Variants in DYDC1 observed in about 807,000 individuals in gnomAD.
The protein encoded by DYDC1 is DPY30 domain containing 1.
DYDC1 carries 21 observed loss-of-function variants against 27.9 expected under a neutral mutation model. The ratio of observed to expected loss-of-function variants is 0.75; its 90% confidence interval spans 0.53 to 1.08. The LOEUF (loss-of-function observed/expected upper bound fraction) is 1.08, where lower values mean the gene tolerates loss of function less well. DYDC1 is among the 50% of genes least tolerant of loss of function. DYDC1 has a pLI of 0.00. For synonymous variants in DYDC1, 67 were observed against 65.8 expected (o/e 1.02, Z -0.09); for missense variants, 202 against 205.9 (o/e 0.98, Z 0.12).
chr10:80,336,222 A>C (rs769740807), intron 6 of DYDC1, 37 bp from the exon 7 acceptor site: 1 of 1,540,514 alleles, frequency 6.5e-7, no homozygotes, highest in South Asian at 1.3e-5. Context: ...TCCTTAATAC[A>C]ATTAGAACTG....
Position 80,356,721 on chromosome 10 carries a change from C to A in DYDC1, c.-19G>T, listed in dbSNP as rs898512016. 2.9e-5 allele frequency: 29 copies of A among 984,994 alleles called. No homozygotes were observed. Among genetic ancestry groups the A allele is most frequent in the Non-Finnish European group, 3.5e-5 (29 of 829,646 alleles). 61.0% of individuals were successfully genotyped at this position (984,994 alleles called of 1,614,324 possible). ...TTTCCGGTGCGCTCACCCCTACACA[C>A]GCGCCTGCTCGCCACCCAGGAGCGG... On this transcript the variant is annotated 5_prime_UTR_variant, in exon 1 of 7. Coordinates refer to ENST00000372202, the MANE Select transcript of DYDC1 (RefSeq NM_001269053.2).
At chr10:80,352,985 C>T (rs1564667361) in intron 1 of DYDC1, among the ~76,000 whole-genome samples, 1 of 152,220 alleles carries the variant, frequency 6.6e-6, no homozygotes, top group Admixed American at 6.5e-5. Context: ...AGCCCAGGCA[C>T]AGACAGCGTA....
rs143230218 is a variant in DYDC1, at chr10:80,355,122, C to A, written c.-10+1590G>T. On this transcript the variant is annotated intron_variant, in intron 1 of 6. Coordinates refer to ENST00000372202, the MANE Select transcript of DYDC1 (RefSeq NM_001269053.2). ...AAAAAAAAAAACAGTAAAATTAACA[C>A]GACAAAGAAGAGAAGAGTCTTCTAG... is the stretch of plus-strand genomic sequence containing the variant. Among the ~76,000 whole-genome samples the A allele has an allele frequency of 1.5e-4, 23 of 150,308 alleles. No homozygotes were observed. In the East Asian group the frequency reaches 4.0e-3, roughly 26 times the overall value.
In DYDC1 at chr10:80,352,503, T is replaced by C; in HGVS notation, c.99A>G (p.Leu33=). 1.2e-6 allele frequency: 2 copies of C among 1,613,406 alleles called. No homozygotes were observed. Among genetic ancestry groups the C allele is most frequent in the Non-Finnish European group, 1.7e-6 (2 of 1,179,746 alleles). The part of the protein sequence containing the change: ...RVRPVDPIEY[L]ALWIYKYKEN... ...CCTTATACTTGTAAATCCACAATGC[T>C]AAATATTCTATCGGATCCACTGGGC... is the stretch of plus-strand genomic sequence containing the variant. The change falls in exon 2 of 7, where the codon TTA becomes TTG. Residue 33 remains leucine (L), a synonymous_variant. Transcript: ENST00000372202.
chr10:80,336,474 C>T (rs1842139431), intron 6 of DYDC1: 1 of 464,446 alleles, frequency 2.2e-6, no homozygotes. Context: ...CTAATGGTTC[C>T]TCCCTGAGCC....
chr10:80,338,830 T>G (rs1332533456), intron 5 of DYDC1, among the ~76,000 whole-genome samples: 2 of 152,192 alleles, frequency 1.3e-5, no homozygotes, highest in African/African-American at 4.8e-5. Context: ...TAATTGTAAG[T>G]AATTATGTGG....
intron 3 of DYDC1, among the ~76,000 whole-genome samples, chr10:80,345,444 A>G (rs1210627794): frequency 6.6e-6 from 1 of 151,936 alleles, no homozygotes. Context: ...CCTAAAATCT[A>G]CTCTCTTAAA....
At chr10:80,355,287 C>T (rs1454605057) in intron 1 of DYDC1, among the ~76,000 whole-genome samples, 1 of 151,664 alleles carries the variant, frequency 6.6e-6, no homozygotes, top group African/African-American at 2.4e-5. Context: ...TGGGGTCCGT[C>T]CATAACCCCC....
At position 80,338,499 on chromosome 10, in the gene DYDC1, C is replaced by T. The variant is rs1191189651; in HGVS notation, c.472G>A (p.Val158Met). Residue 158 changes from valine to methionine, a missense_variant, in exon 6 of 7, where the codon GTG becomes ATG. Physicochemically the swap from Val to Met is conservative, Grantham distance 21 (BLOSUM62 1). Transcript: ENST00000372202. ...DRYGAPNLSR[V>M]EELDEPMFSD... is the part of the protein sequence containing the mutation. ...AACATTGGTTCATCAAGTTCTTCCACTCTGCTCAAGTTAGGTGCTCCATAA... is the reference window on the plus strand; with the variant it reads ...AACATTGGTTCATCAAGTTCTTCCATTCTGCTCAAGTTAGGTGCTCCATAA... The T allele has an allele frequency of 6.2e-7, 1 of 1,613,238 alleles. No homozygotes were observed. Among genetic ancestry groups the T allele is most frequent in the Admixed American group, 1.7e-5 (1 of 59,794 alleles).
At position 80,346,444 on chromosome 10, in the gene DYDC1, C is replaced by CTTTTTTTTTTTTTTTTTTTTTTT; in HGVS notation, c.250-4106_250-4084dup. On this transcript the variant is annotated intron_variant, in intron 3 of 6. Transcript: ENST00000372202. ...TCACCAATGTGTGTCTCTTCCCTTT[C>CTTTTTTTTTTTTTTTTTTTTTTT]TTTTTTTTTTTTTTTTTTTTTTTTT... Among the ~76,000 whole-genome samples the CTTTTTTTTTTTTTTTTTTTTTTT allele has an allele frequency of 5.2e-4, 43 of 83,358 alleles. 5 individuals are homozygous for CTTTTTTTTTTTTTTTTTTTTTTT. The highest frequency in any genetic ancestry group is 1.6e-3 in the African/African-American group (32 of 20,114). The allele number at this position is 83,358 out of a possible 152,430, so 54.7% of individuals were successfully genotyped here. A position where few individuals can be genotyped will look rare whatever the true frequency, so the allele number is the denominator to read the frequency against.
At chr10:80,342,146 G>A in intron 4 of DYDC1, 123 bp downstream of exon 4, 1 of 860,062 alleles carries the variant, frequency 1.2e-6, no homozygotes, top group East Asian at 2.6e-5. Context: ...AGCTTACACA[G>A]CTAGTATGTG....
intron 1 of DYDC1, among the ~76,000 whole-genome samples, chr10:80,353,235 G>C (rs1223456050): frequency 6.6e-6 from 1 of 151,706 alleles, no homozygotes; most frequent in African/African-American, 2.4e-5. Flanking sequence ...CTCACAATCT[G>C]GCCCCAATTT....
intron 3 of DYDC1, among the ~76,000 whole-genome samples, chr10:80,348,521 A>G (rs1382653634): frequency 1.3e-5 from 2 of 152,252 alleles, no homozygotes; most frequent in Non-Finnish European, 2.9e-5. Context: ...AAACTAGAAC[A>G]GGATATTAGA....
chr10:80,342,587 T>C (rs1842372327), intron 3 of DYDC1, among the ~76,000 whole-genome samples: 1 of 152,240 alleles, frequency 6.6e-6, no homozygotes, highest in Non-Finnish European at 1.5e-5. Context: ...CCTTTTCTTC[T>C]TAAAGTAACA....
In DYDC1 at chr10:80,352,583, GA is replaced by G; in HGVS notation, c.18del (p.Gln7LysfsTer8). The G allele has an allele frequency of 6.2e-7, 1 of 1,608,220 alleles. No homozygotes were observed. The highest frequency in any genetic ancestry group is 8.5e-7 in the Non-Finnish European group (1 of 1,178,600). Reference sequence around the variant, plus strand: ...GTTAAACAGGCCCCAAGGTGCTTTTGAAGATATATTGACTCCATTTCTAACT... The same window carrying G: ...GTTAAACAGGCCCCAAGGTGCTTTTGAGATATATTGACTCCATTTCTAACT... MESIY[L>X]QKHLGACLTQ... On this transcript the variant is annotated frameshift_variant, in exon 2 of 7. Coordinates refer to ENST00000372202, the MANE Select transcript of DYDC1 (RefSeq NM_001269053.2). LOFTEE classifies it high-confidence loss of function.
At chr10:80,348,051 G>C (rs990274537) in intron 3 of DYDC1, among the ~76,000 whole-genome samples, 1 of 152,138 alleles carries the variant, frequency 6.6e-6, no homozygotes, top group East Asian at 1.9e-4. Flanking sequence ...AGGTAGTATA[G>C]ACATTTTAAC....
intron 3 of DYDC1, among the ~76,000 whole-genome samples, chr10:80,343,537 C>G (rs144192578): frequency 1.6e-3 from 242 of 151,828 alleles, no homozygotes; most frequent in African/African-American, 5.7e-3. Flanking sequence ...TACTCAGGAG[C>G]GAGGCAGGAG....
chr10:80,337,300 A>G, intron 6 of DYDC1: 1 of 985,440 alleles, frequency 1.0e-6, no homozygotes, highest in Non-Finnish European at 1.2e-6. Flanking sequence ...GTTCATTGGC[A>G]TTTTCTAGCT....
chr10:80,337,236 A>G (rs1842161468), intron 6 of DYDC1: 1 of 985,304 alleles, frequency 1.0e-6, no homozygotes, highest in South Asian at 4.7e-5. Context: ...CTGTCCCTCA[A>G]AGAAGCTTCC....
Sources: gnomAD v4.1 joint callset for allele counts (sites outside exome capture counted in the v4.1 genomes callset) on GRCh38, gnomAD v4.1.1 for gene constraint, MANE v1.5 for transcripts, NCBI Gene and HGNC (gene_info 2026-07-23, HGNC 2026-07-21) for gene names.